Variants in CNTNAP2 observed in about 807,000 individuals in gnomAD.
CNTNAP2 encodes the protein contactin-associated protein-like 2.
CNTNAP2 carries 98 observed loss-of-function variants against 155.2 expected under a neutral mutation model. The observed-to-expected ratio is 0.63, with a 90% CI of 0.54 to 0.75. The LOEUF is 0.75. Ranked by LOEUF, CNTNAP2 falls within the 30% of genes least tolerant of loss-of-function variation. The probability of loss-of-function intolerance (pLI) is 0.00; values close to 1 mark genes in which losing one functional copy is unlikely to be tolerated. For synonymous variants in CNTNAP2, 651 were observed against 631.2 expected (o/e 1.03, Z -0.47); for missense variants, 1,727 against 1,688.1 (o/e 1.02, Z -0.40).
intron 13 of CNTNAP2, among the ~76,000 whole-genome samples, chr7:147,893,554 TAAGGATC>T (rs1192149251): frequency 6.6e-6 from 1 of 152,180 alleles, no homozygotes; most frequent in Non-Finnish European, 1.5e-5. Context: ...GGTCTGATGG[TAAGGATC>T]ACAGGGACAC....
At chr7:146,704,248 T>A (rs1428606328) in intron 1 of CNTNAP2, among the ~76,000 whole-genome samples, 5 of 152,130 alleles carry the variant, frequency 3.3e-5, no homozygotes. Flanking sequence ...CAGTCTCCAG[T>A]ATGCTACATG....
At chr7:147,348,710 A>G (rs1004106471) in intron 9 of CNTNAP2, among the ~76,000 whole-genome samples, 2 of 152,126 alleles carry the variant, frequency 1.3e-5, no homozygotes, top group African/African-American at 4.8e-5. Context: ...TTATTGCAGC[A>G]CTATTCACAG....
chr7:146,397,910 G>C (rs1639485), intron 1 of CNTNAP2, among the ~76,000 whole-genome samples: 17,043 of 143,600 alleles, frequency 0.12, 1,345 homozygotes, highest in African/African-American at 0.22. Context: ...GTCTTGCTCT[G>C]TTGTACAGGC....
chr7:147,221,551 C>T (rs1313945364), intron 8 of CNTNAP2, among the ~76,000 whole-genome samples: 1 of 152,174 alleles, frequency 6.6e-6, no homozygotes, highest in Non-Finnish European at 1.5e-5. Flanking sequence ...GCCACCAGCC[C>T]TCCCTAGGAC....
chr7:147,601,316 G>A (rs1800938524), intron 12 of CNTNAP2, among the ~76,000 whole-genome samples: 1 of 152,046 alleles, frequency 6.6e-6, no homozygotes, highest in Non-Finnish European at 1.5e-5. Context: ...AGGGAGATGG[G>A]GTGGGGCCGT....
intron 8 of CNTNAP2, among the ~76,000 whole-genome samples, chr7:147,157,706 C>G (rs1801953758): frequency 6.6e-6 from 1 of 152,052 alleles, no homozygotes; most frequent in Admixed American, 6.6e-5. Flanking sequence ...TTTGCAAGAT[C>G]CTAGCCCAGT....
chr7:147,511,510 T>C (rs1799020421), intron 11 of CNTNAP2, among the ~76,000 whole-genome samples: 1 of 151,976 alleles, frequency 6.6e-6, no homozygotes, highest in Non-Finnish European at 1.5e-5. Flanking sequence ...TTAGTAACTT[T>C]CTAATAGTAA....
rs1009479215 is a variant in CNTNAP2, at chr7:146,721,251, C to G, written c.98-53020C>G. On this transcript the variant is annotated intron_variant, in intron 1 of 23. Coordinates refer to ENST00000361727, the MANE Select transcript of CNTNAP2 (RefSeq NM_014141.6). ...ATTCTCTATATACTCTCTCTATATT[C>G]TCTATATACTCTCTATATATTCTAT... Among the ~76,000 whole-genome samples, 344 of 128,818 alleles carry G rather than the reference C, an allele frequency of 2.7e-3. 15 individuals carry two copies. Among genetic ancestry groups the G allele is most frequent in the East Asian group, 8.6e-3 (37 of 4,322 alleles). 84.5% of individuals were successfully genotyped at this position (128,818 alleles called of 152,430 possible).
At chr7:148,327,834 C>T (rs1393371788) in intron 21 of CNTNAP2, among the ~76,000 whole-genome samples, 1 of 152,136 alleles carries the variant, frequency 6.6e-6, no homozygotes, top group Non-Finnish European at 1.5e-5. Context: ...ACAGATCCCC[C>T]CACTGCCCTG....
At chr7:146,909,147 TG>T (rs1425350907) in intron 3 of CNTNAP2, among the ~76,000 whole-genome samples, 3 of 152,032 alleles carry the variant, frequency 2.0e-5, no homozygotes, top group African/African-American at 7.2e-5. Flanking sequence ...GAGCTGAAAT[TG>T]TGGCAATAAT....
intron 1 of CNTNAP2, among the ~76,000 whole-genome samples, chr7:146,624,663 G>A (rs1405405451): frequency 2.6e-5 from 4 of 151,886 alleles, no homozygotes; most frequent in Non-Finnish European, 5.9e-5. Context: ...ACAGTAGCAT[G>A]AGTCCTTCAG....
At chr7:147,868,004 G>A (rs140110266) in intron 13 of CNTNAP2, among the ~76,000 whole-genome samples, 2 of 152,234 alleles carry the variant, frequency 1.3e-5, no homozygotes, top group South Asian at 2.1e-4. Flanking sequence ...GCAAGGAGCT[G>A]CAATCTTTTG....
intron 16 of CNTNAP2, among the ~76,000 whole-genome samples, chr7:148,118,802 C>T (rs868798941): frequency 2.0e-5 from 3 of 152,062 alleles, no homozygotes; most frequent in Non-Finnish European, 4.4e-5. Flanking sequence ...CCACACCTGC[C>T]CACCCTCTGC....
chr7:146,161,377 A>G (rs1298818191), intron 1 of CNTNAP2, among the ~76,000 whole-genome samples: 1 of 152,172 alleles, frequency 6.6e-6, no homozygotes, highest in African/African-American at 2.4e-5. Context: ...AAAGAAATAA[A>G]GGGTATTCAA....
intron 1 of CNTNAP2, among the ~76,000 whole-genome samples, chr7:146,632,630 G>A (rs189807029): frequency 3.3e-5 from 5 of 151,966 alleles, no homozygotes; most frequent in Admixed American, 6.6e-5. Flanking sequence ...TAACCATAAC[G>A]TAGAGTAACA....
chr7:147,907,328 T>A (rs62474777), intron 14 of CNTNAP2, among the ~76,000 whole-genome samples: 37,020 of 152,220 alleles, frequency 0.24, 4,957 homozygotes, highest in Middle Eastern at 0.39. Flanking sequence ...AGTGCTGGGA[T>A]TACAGGCTTG....
At chr7:147,791,394 T>C (rs1053286906) in intron 13 of CNTNAP2, among the ~76,000 whole-genome samples, 3 of 152,012 alleles carry the variant, frequency 2.0e-5, no homozygotes, top group Admixed American at 2.0e-4. Context: ...TGATTTGTCA[T>C]ACCTCTTGTT....
chr7:147,488,546 ATT>A (rs34680301), intron 11 of CNTNAP2, among the ~76,000 whole-genome samples: 3 of 140,590 alleles, frequency 2.1e-5, no homozygotes, highest in African/African-American at 8.1e-5. Context: ...TTTAAATAGT[ATT>A]TTTTTTTAAA....
chr7:147,407,250 C>G (rs1041967237), intron 10 of CNTNAP2, among the ~76,000 whole-genome samples: 2 of 151,930 alleles, frequency 1.3e-5, no homozygotes. Context: ...GGGCAGATCA[C>G]GAGGTCAGGA....
Sources: gnomAD v4.1 joint callset for allele counts (sites outside exome capture counted in the v4.1 genomes callset) on GRCh38, gnomAD v4.1.1 for gene constraint, MANE v1.5 for transcripts, NCBI Gene and HGNC (gene_info 2026-07-23, HGNC 2026-07-21) for gene names.